The following GALNT14 variants were observed in gnomAD, a reference collection of about 807,000 sequenced individuals.
The protein encoded by GALNT14 is polypeptide N-acetylgalactosaminyltransferase 14, also known as UDP-GalNAc:polypeptide N-acetylgalactosaminyltransferase 14.
A neutral mutation model predicts 77.5 loss-of-function variants in GALNT14; 60 were observed. That is an observed-to-expected ratio of 0.77 (90% CI 0.63 to 0.96). The LOEUF is 0.96. Among genes scored for constraint, GALNT14 ranks in the 40% least tolerant of loss-of-function variants. The pLI is 0.00. For missense variants in GALNT14, 710 were observed against 731.0 expected (o/e 0.97, Z 0.33); for synonymous variants, 280 against 281.7 (o/e 0.99, Z 0.06).
chr2:30,942,336 A>AGTT (rs1198332668), intron 8 of GALNT14, 32 bp from the exon 9 acceptor site: 1 of 1,514,778 alleles, frequency 6.6e-7, no homozygotes, highest in African/African-American at 1.4e-5. Flanking sequence ...AGAGGGGATC[A>AGTT]GTTCTAGTGG....
At chr2:31,073,899 G>A (rs975863406) in intron 1 of GALNT14, among the ~76,000 whole-genome samples, 3 of 152,184 alleles carry the variant, frequency 2.0e-5, no homozygotes, top group African/African-American at 4.8e-5. Context: ...TGTGCTAAGG[G>A]GAGGAACAGA....
intron 6 of GALNT14, among the ~76,000 whole-genome samples, chr2:30,949,942 A>G (rs1666926495): frequency 6.6e-6 from 1 of 152,224 alleles, no homozygotes; most frequent in South Asian, 2.1e-4. Flanking sequence ...GTGGGGAAAG[A>G]CAAGGACAGC....
chr2:31,053,168 G>A (rs1257371127), intron 1 of GALNT14, among the ~76,000 whole-genome samples: 4 of 152,132 alleles, frequency 2.6e-5, no homozygotes, highest in Non-Finnish European at 5.9e-5. Context: ...GCCTGTGCTG[G>A]TGTTCCACTG....
At chr2:31,087,152 A>G (rs1011277369) in intron 1 of GALNT14, among the ~76,000 whole-genome samples, 1 of 152,188 alleles carries the variant, frequency 6.6e-6, no homozygotes, top group African/African-American at 2.4e-5. Context: ...GGCAAAGAGC[A>G]TTCCAGGCAG....
At chr2:31,110,102 T>C (rs1677761658) in intron 1 of GALNT14, among the ~76,000 whole-genome samples, 1 of 152,228 alleles carries the variant, frequency 6.6e-6, no homozygotes, top group South Asian at 2.1e-4. Context: ...TCCTTGTCTT[T>C]GAGCCTCATC....
At chr2:31,038,229 A>C (rs1672880727) in intron 1 of GALNT14, among the ~76,000 whole-genome samples, 1 of 150,110 alleles carries the variant, frequency 6.7e-6, no homozygotes, top group Non-Finnish European at 1.5e-5. Flanking sequence ...CAAGGAGCTG[A>C]GATTACAGGC....
chr2:30,911,609 A>C (rs1198429176), intron 14 of GALNT14, among the ~76,000 whole-genome samples: 1 of 152,226 alleles, frequency 6.6e-6, no homozygotes. Context: ...GCCAAGAGAC[A>C]GTCACAGCTG....
At chr2:30,946,038 C>A (rs1354549734) in intron 6 of GALNT14, among the ~76,000 whole-genome samples, 168 bp from the exon 7 acceptor site, 4 of 152,090 alleles carry the variant, frequency 2.6e-5, no homozygotes, top group African/African-American at 4.8e-5. Flanking sequence ...GGGTACTGGG[C>A]AATGGGACCT....
At chr2:30,980,766 C>G (rs1257738307) in intron 2 of GALNT14, among the ~76,000 whole-genome samples, 2 of 152,258 alleles carry the variant, frequency 1.3e-5, no homozygotes, top group African/African-American at 4.8e-5. Flanking sequence ...GCTGGGAAAG[C>G]ACTTCGTGAA....
chr2:31,050,907 C>A (rs771748475), intron 1 of GALNT14, among the ~76,000 whole-genome samples: 24 of 151,908 alleles, frequency 1.6e-4, no homozygotes, highest in Non-Finnish European at 3.1e-4. Context: ...GAGAGACAGC[C>A]TGTGAGTCAC....
chr2:30,921,924 C>T (rs571961772), intron 13 of GALNT14, among the ~76,000 whole-genome samples: 46 of 152,272 alleles, frequency 3.0e-4, no homozygotes, highest in Middle Eastern at 3.4e-3. Flanking sequence ...AACAAAGAAA[C>T]GTCCAGCTCA....
intron 1 of GALNT14, among the ~76,000 whole-genome samples, chr2:31,055,656 G>C (rs777611430): frequency 1.3e-5 from 2 of 152,216 alleles, no homozygotes; most frequent in Non-Finnish European, 2.9e-5. Context: ...TGAAAGGAGA[G>C]AGGATCCCCA....
intron 2 of GALNT14, among the ~76,000 whole-genome samples, chr2:30,990,334 G>A (rs1361418836): frequency 6.6e-6 from 1 of 152,240 alleles, no homozygotes; most frequent in South Asian, 2.1e-4. Context: ...CCAGGGCCCT[G>A]TCAGCCCAGA....
intron 1 of GALNT14, among the ~76,000 whole-genome samples, chr2:31,024,091 C>T (rs552104060): frequency 1.9e-3 from 232 of 121,114 alleles, no homozygotes; most frequent in African/African-American, 6.9e-3. Flanking sequence ...TTTCCCCAGC[C>T]TTGAACAAGG....
At chr2:30,959,883 G>A (rs572158826) in intron 3 of GALNT14, among the ~76,000 whole-genome samples, 3 of 152,268 alleles carry the variant, frequency 2.0e-5, no homozygotes, top group East Asian at 1.9e-4. Context: ...CAGCTATCAC[G>A]GGATTCCCTG....
At chr2:31,079,004 G>A (rs1331055917) in intron 1 of GALNT14, 6 of 1,287,854 alleles carry the variant, frequency 4.7e-6, no homozygotes, top group Non-Finnish European at 6.1e-6. Flanking sequence ...ACAGTGGGCT[G>A]CTGAAATTGC....
chr2:31,040,613 C>T (rs1488426930), intron 1 of GALNT14, among the ~76,000 whole-genome samples: 1 of 152,164 alleles, frequency 6.6e-6, no homozygotes, highest in Non-Finnish European at 1.5e-5. Context: ...GGCTTGCAGA[C>T]CACATGGGCT....
intron 1 of GALNT14, among the ~76,000 whole-genome samples, chr2:31,005,711 C>T (rs965183655): frequency 5.3e-5 from 8 of 152,124 alleles, no homozygotes; most frequent in Non-Finnish European, 1.0e-4. Flanking sequence ...CCTCACTGTC[C>T]GTCTGTGAGA....
At chr2:30,889,875 A>G in the GALNT14 span, among the ~76,000 whole-genome samples, 1 of 152,228 alleles carries the variant, frequency 6.6e-6, no homozygotes, top group Non-Finnish European at 1.5e-5. Context: ...TCATTAGAAC[A>G]AAACTCAAGT....
Sources: gnomAD v4.1 joint callset for allele counts (sites outside exome capture counted in the v4.1 genomes callset) on GRCh38, gnomAD v4.1.1 for gene constraint, MANE v1.5 for transcripts, NCBI Gene and HGNC (gene_info 2026-07-23, HGNC 2026-07-21) for gene names.